The following SEMA6D variants were observed in gnomAD, a reference collection of about 807,000 sequenced individuals.
SEMA6D encodes semaphorin 6D, also known as semaphorin-6D.
A neutral mutation model predicts 106.6 loss-of-function variants in SEMA6D; 35 were observed. The ratio of observed to expected loss-of-function variants is 0.33; its 90% CI spans 0.25 to 0.44. SEMA6D has a LOEUF of 0.44. Among genes scored for constraint, SEMA6D ranks in the 20% least tolerant of loss-of-function variants. The probability of loss-of-function intolerance (pLI) is 1.00; values close to 1 mark genes in which losing one functional copy is unlikely to be tolerated. For missense variants in SEMA6D, 1,185 were observed against 1,345.9 expected (o/e 0.88, Z 1.87); for synonymous variants, 499 against 487.7 (o/e 1.02, Z -0.31).
rs751077452 is a variant in SEMA6D, at chr15:47,348,894, G to C, written c.-238-63499G>C. Among the ~76,000 whole-genome samples the C allele has an allele frequency of 4.6e-5, 7 of 152,196 alleles. No homozygotes were observed. The South Asian group carries it at 6.2e-4, about 14-fold the overall frequency. On this transcript the variant is annotated intron_variant, in intron 1 of 19. Transcript: ENST00000558014. Reference sequence around the variant, plus strand: ...GAGTTGTCCTGTAGAGGATGGAAGAGGCATTTGTGGTAGAGGAAACAACAT... The same window carrying C: ...GAGTTGTCCTGTAGAGGATGGAAGACGCATTTGTGGTAGAGGAAACAACAT...
intron 1 of SEMA6D, among the ~76,000 whole-genome samples, chr15:47,184,847 A>AGCCGGCT (rs1893439628): frequency 6.6e-6 from 1 of 152,242 alleles, no homozygotes; most frequent in East Asian, 1.9e-4. Flanking sequence ...CCGGGTCGGC[A>AGCCGGCT]GCCGGCTGAA....
chr15:47,217,171 G>A (rs2030698221), intron 1 of SEMA6D, among the ~76,000 whole-genome samples: 1 of 152,116 alleles, frequency 6.6e-6, no homozygotes, highest in Admixed American at 6.6e-5. Context: ...CCCGTGTATG[G>A]TATTTTGTTA....
chr15:47,215,546 A>G (rs1284472604), intron 1 of SEMA6D, among the ~76,000 whole-genome samples: 1 of 152,180 alleles, frequency 6.6e-6, no homozygotes, highest in Admixed American at 6.6e-5. Flanking sequence ...AAATTCATAG[A>G]TGTATTAATT....
rs141015068 is a variant in SEMA6D at position 47,676,864 on chromosome 15, C to T, written c.-55+75968C>T. Among the ~76,000 whole-genome samples, 408 of 152,106 alleles carry T rather than the reference C, an allele frequency of 2.7e-3. 2 individuals are homozygous for T. Among genetic ancestry groups the T allele is most frequent in the African/African-American group, 9.6e-3 (399 of 41,506 alleles). On this transcript the variant is annotated intron_variant, in intron 4 of 19. Transcript: ENST00000558014. ...AGATGGTGGTTGGGGCTTCAGTCTA[C>T]GAAAGCAGCAGTCTCCAACCTTTTT...
chr15:47,613,450 G>A lies in SEMA6D; in HGVS notation c.-55+12554G>A, dbSNP rs28662067. Among the ~76,000 whole-genome samples the A allele has an allele frequency of 8.6e-3, 1,312 of 152,128 alleles. 20 individuals are homozygous for A. The highest frequency in any genetic ancestry group is 0.03 in the African/African-American group (1,239 of 41,492). Reference sequence around the variant, plus strand: ...CAGTCAGAAAGCTTAAAATTCTCTCGGAGGAAGATAGCAAACAAATGCACT... The same window carrying A: ...CAGTCAGAAAGCTTAAAATTCTCTCAGAGGAAGATAGCAAACAAATGCACT... On this transcript the variant is annotated intron_variant, in intron 4 of 19. Transcript: ENST00000558014.
intron 1 of SEMA6D, among the ~76,000 whole-genome samples, chr15:47,215,404 G>C (rs1381009950): frequency 6.6e-6 from 1 of 152,046 alleles, no homozygotes; most frequent in Admixed American, 6.6e-5. Context: ...ACAGGGATCT[G>C]TTAAAACTGT....
At chr15:47,451,328 C>A (rs914053590) in intron 2 of SEMA6D, among the ~76,000 whole-genome samples, 1 of 151,928 alleles carries the variant, frequency 6.6e-6, no homozygotes, top group African/African-American at 2.4e-5. Flanking sequence ...CTCAAAGAGG[C>A]CTGTGACCCC....
At chr15:47,332,051 A>G (rs939855364) in intron 1 of SEMA6D, among the ~76,000 whole-genome samples, 15 of 152,122 alleles carry the variant, frequency 9.9e-5, no homozygotes, top group African/African-American at 2.2e-4. Context: ...TATTCTTCCA[A>G]TGTGTTAGGG....
intron 1 of SEMA6D, among the ~76,000 whole-genome samples, chr15:47,752,382 A>C (rs1012641740): frequency 6.6e-6 from 1 of 152,192 alleles, no homozygotes; most frequent in Non-Finnish European, 1.5e-5. Context: ...GCCTTTAGGT[A>C]CTTGTAGGTC....
chr15:47,370,574 G>A (rs1289088610), intron 1 of SEMA6D, among the ~76,000 whole-genome samples: 1 of 151,314 alleles, frequency 6.6e-6, no homozygotes, highest in African/African-American at 2.4e-5. Context: ...GCTGGGTGCG[G>A]TGGCTCACGC....
chr15:47,527,698 T>G (rs901677179), intron 3 of SEMA6D: 1 of 152,202 alleles, frequency 6.6e-6, no homozygotes, highest in African/African-American at 2.4e-5. Context: ...AAACTAAATT[T>G]ATATTCCTCC....
At chr15:47,204,239 C>T (rs940965453) in intron 1 of SEMA6D, among the ~76,000 whole-genome samples, 1 of 152,128 alleles carries the variant, frequency 6.6e-6, no homozygotes, top group Admixed American at 6.6e-5. Flanking sequence ...CTGTGGTGCT[C>T]TTGTCTTCCA....
At chr15:47,483,365 G>A (rs2141326997) in intron 3 of SEMA6D, among the ~76,000 whole-genome samples, 2 of 152,268 alleles carry the variant, frequency 1.3e-5, no homozygotes, top group Admixed American at 1.3e-4. Context: ...CACCTTCCAG[G>A]AAAGGAAAAT....
intron 1 of SEMA6D, among the ~76,000 whole-genome samples, chr15:47,238,540 T>C (rs2032701432): frequency 1.3e-5 from 2 of 152,156 alleles, no homozygotes; most frequent in Non-Finnish European, 2.9e-5. Flanking sequence ...TTTTCTCCAA[T>C]AGATTGTGCT....
intron 1 of SEMA6D, among the ~76,000 whole-genome samples, chr15:47,327,259 A>G (rs1020639100): frequency 6.6e-6 from 1 of 152,238 alleles, no homozygotes; most frequent in Admixed American, 6.5e-5. Flanking sequence ...TAGATTTATT[A>G]TAAGAATTAA....
Position 47,770,961 on chromosome 15 carries a change from G to T in SEMA6D, c.2398G>T (p.Ala800Ser). 6.2e-7 allele frequency: 1 copy of T among 1,614,066 alleles called. No individual in the cohort carries two copies. The highest frequency in any genetic ancestry group is 2.2e-5 in the East Asian group (1 of 44,856). ...SHSEKAHGHG[A>S]SRKETPQFFP... is the part of the protein sequence containing the mutation. ...CTCAGAAAAGGCCCATGGCCATGGA[G>T]CTTCAAGGAAAGAAACCCCTCAGTT... Residue 800 changes from alanine (A) to serine (S), a missense_variant, in exon 19 of 19, where the codon GCT becomes TCT. By Grantham distance (99) the Ala-to-Ser change is moderately conservative. Around this residue, in one of 3 missense-constraint regions of SEMA6D, gnomAD observed 750 missense variants for 783.5 expected, o/e 0.96. Coordinates refer to ENST00000536845, the MANE Select transcript of SEMA6D (RefSeq NM_001358351.3).
intron 1 of SEMA6D, among the ~76,000 whole-genome samples, chr15:47,349,216 A>G (rs1191729479): frequency 2.0e-5 from 3 of 152,162 alleles, no homozygotes; most frequent in African/African-American, 7.2e-5. Flanking sequence ...ATTAGGAGCA[A>G]TACAGCCAGG....
chr15:47,521,914 G>A (rs189021594), intron 3 of SEMA6D, among the ~76,000 whole-genome samples: 2 of 152,214 alleles, frequency 1.3e-5, no homozygotes, highest in Admixed American at 1.3e-4. Context: ...AAACCTGGGA[G>A]GCGGAGCTTG....
At position 47,326,314 on chromosome 15, in the gene SEMA6D, T is replaced by C. The variant is rs79167888; in HGVS notation, c.-238-86079T>C. ...ACTTATGGCAATAATGACTGTGCTT[T>C]TAACAAGTGCAGCAGTCACACTACC... On this transcript the variant is annotated intron_variant, in intron 1 of 19. Transcript: ENST00000558014. Among the ~76,000 whole-genome samples the C allele has an allele frequency of 6.0e-3, 912 of 152,330 alleles. 6 individuals carry two copies. Among genetic ancestry groups the C allele is most frequent in the East Asian group, 0.05 (257 of 5,184 alleles).
Sources: allele counts gnomAD v4.1 joint callset (sites outside exome capture counted in the v4.1 genomes callset), GRCh38; gene constraint gnomAD v4.1.1; regional missense constraint gnomAD v4.1.1; transcripts MANE v1.5; gene names NCBI Gene and HGNC (gene_info 2026-07-23, HGNC 2026-07-21).